KIAA0825: variants seen among roughly 807,000 people sequenced by gnomAD.
KIAA0825 encodes the protein uncharacterized protein KIAA0825.
A neutral mutation model predicts 147.6 loss-of-function variants in KIAA0825; 119 were observed. That is an observed-to-expected ratio of 0.81 (90% confidence interval 0.69 to 0.94). The LOEUF (loss-of-function observed/expected upper bound fraction) is 0.94, where lower values mean the gene tolerates loss of function less well. Among genes scored for constraint, KIAA0825 ranks in the 40% least tolerant of loss-of-function variants. The pLI, the probability that KIAA0825 is intolerant of heterozygous loss-of-function variation, is 0.00. For synonymous variants in KIAA0825, 470 were observed against 518.1 expected (o/e 0.91, Z 1.26); for missense variants, 1,381 against 1,472.7 (o/e 0.94, Z 1.02).
intron 20 of KIAA0825, among the ~76,000 whole-genome samples, chr5:94,207,415 C>T (rs1421804591): frequency 6.6e-6 from 1 of 152,126 alleles, no homozygotes; most frequent in Non-Finnish European, 1.5e-5. Flanking sequence ...TCTAGTCTGC[C>T]AGAGATCTTT....
At chr5:94,487,766 T>C (rs985688629) in intron 5 of KIAA0825, among the ~76,000 whole-genome samples, 1 of 151,982 alleles carries the variant, frequency 6.6e-6, no homozygotes, top group African/African-American at 2.4e-5. Context: ...ACCCCATCTC[T>C]ACAAAAAAAA....
intron 12 of KIAA0825, among the ~76,000 whole-genome samples, chr5:94,461,990 A>C (rs1042581696): frequency 6.6e-6 from 1 of 151,892 alleles, no homozygotes; most frequent in African/African-American, 2.4e-5. Flanking sequence ...TTCTATTTCC[A>C]TTTGCCATTG....
chr5:94,234,832 G>A (rs1299620012), intron 20 of KIAA0825, among the ~76,000 whole-genome samples: 3 of 152,084 alleles, frequency 2.0e-5, no homozygotes, highest in Admixed American at 6.5e-5. Context: ...ATTACAATTC[G>A]ACATGAGATC....
intron 20 of KIAA0825, among the ~76,000 whole-genome samples, chr5:94,347,889 A>T (rs1783194719): frequency 6.6e-6 from 1 of 152,228 alleles, no homozygotes; most frequent in Admixed American, 6.5e-5. Context: ...GGAAATCCAA[A>T]ATATGATACA....
At chr5:94,442,707 T>C (rs1018825916) in intron 13 of KIAA0825, among the ~76,000 whole-genome samples, 2 of 152,170 alleles carry the variant, frequency 1.3e-5, no homozygotes, top group African/African-American at 2.4e-5. Context: ...ATATTAAAAT[T>C]GACTTGGGTT....
intron 1 of KIAA0825, among the ~76,000 whole-genome samples, chr5:94,585,297 T>A (rs1561354930): frequency 6.6e-6 from 1 of 152,088 alleles, no homozygotes; most frequent in Non-Finnish European, 1.5e-5. Flanking sequence ...AGGAGACCCA[T>A]CTCACGTGCA....
intron 1 of KIAA0825, among the ~76,000 whole-genome samples, chr5:94,590,371 A>G (rs1784132989): frequency 6.6e-6 from 1 of 152,150 alleles, no homozygotes; most frequent in Non-Finnish European, 1.5e-5. Flanking sequence ...AAGTCCTTAA[A>G]TATTACTAAC....
chr5:94,273,295 C>T (rs982797065), intron 20 of KIAA0825, among the ~76,000 whole-genome samples: 1 of 152,026 alleles, frequency 6.6e-6, no homozygotes. Context: ...TATATGTGTA[C>T]GGAGAGGCAT....
intron 2 of KIAA0825, among the ~76,000 whole-genome samples, chr5:94,552,026 A>G (rs1035190577): frequency 6.6e-6 from 1 of 152,118 alleles, no homozygotes; most frequent in Non-Finnish European, 1.5e-5. Flanking sequence ...CCCACAAAAA[A>G]ACTACCCTCA....
At chr5:94,534,371 C>G (rs1771544361) in intron 3 of KIAA0825, among the ~76,000 whole-genome samples, 1 of 152,028 alleles carries the variant, frequency 6.6e-6, no homozygotes, top group Non-Finnish European at 1.5e-5. Flanking sequence ...TATATATACC[C>G]TATACTATTA....
At chr5:94,167,930 A>G (rs751541668) in intron 20 of KIAA0825, among the ~76,000 whole-genome samples, 6 of 151,712 alleles carry the variant, frequency 4.0e-5, no homozygotes, top group Non-Finnish European at 8.8e-5. Flanking sequence ...ATGCTTTAAT[A>G]TCCAGAAAAT....
intron 1 of KIAA0825, among the ~76,000 whole-genome samples, chr5:94,588,416 A>T (rs1414831786): frequency 6.6e-6 from 1 of 152,244 alleles, no homozygotes; most frequent in African/African-American, 2.4e-5. Context: ...ACATTTATGC[A>T]GCCAACAGAC....
chr5:94,310,334 C>T (rs561444586), intron 20 of KIAA0825, among the ~76,000 whole-genome samples: 1 of 151,768 alleles, frequency 6.6e-6, no homozygotes, highest in African/African-American at 2.4e-5. Flanking sequence ...TCTCCTCGAT[C>T]TATCTTTGGC....
At chr5:94,173,866 C>G (rs1422479661) in intron 20 of KIAA0825, among the ~76,000 whole-genome samples, 1 of 152,148 alleles carries the variant, frequency 6.6e-6, no homozygotes, top group East Asian at 1.9e-4. Flanking sequence ...ATAGAGCTTC[C>G]TGGACATGCT....
At chr5:94,160,908 G>A (rs1292532339) in intron 20 of KIAA0825, among the ~76,000 whole-genome samples, 1 of 152,024 alleles carries the variant, frequency 6.6e-6, no homozygotes, top group Non-Finnish European at 1.5e-5. Context: ...TAATGTCTCT[G>A]TTTCCTTCTT....
intron 20 of KIAA0825, among the ~76,000 whole-genome samples, chr5:94,167,694 G>T (rs1768179067): frequency 6.6e-6 from 1 of 152,044 alleles, no homozygotes; most frequent in Admixed American, 6.5e-5. Context: ...TAAAAGTTAA[G>T]AATATAATTT....
chr5:94,286,751 T>C lies in KIAA0825; in HGVS notation c.3710+97617A>G, dbSNP rs189788083. Among the ~76,000 whole-genome samples the C allele has an allele frequency of 2.6e-5, 4 of 152,218 alleles. No individual in the cohort carries two copies. In the East Asian group the frequency reaches 7.7e-4, roughly 29 times the overall value. The stretch of plus-strand genomic sequence containing the variant: ...CTTTTTATAAAGAAAGGGTCTTGCT[T>C]CATCACCCAGGCTGGTAACAGAAGC... On this transcript the variant is annotated intron_variant, in intron 20 of 20. Transcript: ENST00000682413.
chr5:94,325,228 A>G (rs1271671651), intron 20 of KIAA0825, among the ~76,000 whole-genome samples: 1 of 151,956 alleles, frequency 6.6e-6, no homozygotes, highest in Non-Finnish European at 1.5e-5. Flanking sequence ...ACATGGACCT[A>G]TGGTATACTC....
intron 20 of KIAA0825, among the ~76,000 whole-genome samples, chr5:94,201,579 A>T (rs1484971822): frequency 2.4e-4 from 37 of 151,794 alleles, no homozygotes. Flanking sequence ...TGCTAATTAA[A>T]AAAAAGGTTG....
Sources: allele counts gnomAD v4.1 joint callset (sites outside exome capture counted in the v4.1 genomes callset), GRCh38; gene constraint gnomAD v4.1.1; transcripts MANE v1.5; gene names NCBI Gene and HGNC (gene_info 2026-07-23, HGNC 2026-07-21).